PPFIA2: variants seen among roughly 807,000 people sequenced by gnomAD.
PPFIA2 encodes liprin-alpha-2.
A neutral mutation model predicts 175.5 loss-of-function variants in PPFIA2; 46 were observed. That is an observed-to-expected ratio of 0.26 (90% CI 0.21 to 0.34). The LOEUF is 0.34. Among genes scored for constraint, PPFIA2 ranks in the 10% least tolerant of loss-of-function variants. PPFIA2 has a pLI of 1.00. For synonymous variants in PPFIA2, 568 were observed against 511.4 expected (o/e 1.11, Z -1.49); for missense variants, 1,179 against 1,506.1 (o/e 0.78, Z 3.60).
At chr12:81,444,007 A>C (rs2050755420) in intron 6 of PPFIA2, among the ~76,000 whole-genome samples, 2 of 150,396 alleles carry the variant, frequency 1.3e-5, no homozygotes, top group Middle Eastern at 3.2e-3. Context: ...GGCGCCCGCC[A>C]CCACGCCCAG....
At chr12:81,389,600 C>T (rs1429830522) in intron 8 of PPFIA2, among the ~76,000 whole-genome samples, 1 of 151,910 alleles carries the variant, frequency 6.6e-6, no homozygotes, top group Non-Finnish European at 1.5e-5. Flanking sequence ...TAGATTGTAT[C>T]GTGAGCTTAC....
intron 4 of PPFIA2, among the ~76,000 whole-genome samples, chr12:81,582,907 G>A (rs971524121): frequency 3.3e-5 from 5 of 151,636 alleles, no homozygotes; most frequent in South Asian, 2.1e-4. Context: ...ACAATTTTCC[G>A]GGGAGTTTTT....
At chr12:81,651,929 A>G (rs951092920) in intron 4 of PPFIA2, among the ~76,000 whole-genome samples, 1 of 152,000 alleles carries the variant, frequency 6.6e-6, no homozygotes, top group Non-Finnish European at 1.5e-5. Context: ...TCCACAGTTG[A>G]CAGTTTTGAC....
intron 3 of PPFIA2, among the ~76,000 whole-genome samples, chr12:81,696,625 T>G (rs1399778111): frequency 3.3e-5 from 5 of 152,144 alleles, no homozygotes; most frequent in Non-Finnish European, 7.4e-5. Context: ...CAGGGTCTCT[T>G]ATACTCATCC....
chr12:81,272,595 T>A (rs1196447673), intron 28 of PPFIA2, among the ~76,000 whole-genome samples: 2 of 152,224 alleles, frequency 1.3e-5, no homozygotes, highest in African/African-American at 4.8e-5. Flanking sequence ...ACATATTTTT[T>A]AATAAACACT....
chr12:81,423,002 A>T (rs2046557059), intron 7 of PPFIA2, among the ~76,000 whole-genome samples: 1 of 152,178 alleles, frequency 6.6e-6, no homozygotes, highest in Non-Finnish European at 1.5e-5. Flanking sequence ...AACAATTATA[A>T]CCCAGCAAAC....
At chr12:81,466,315 A>C (rs2055616835) in intron 4 of PPFIA2, among the ~76,000 whole-genome samples, 1 of 152,132 alleles carries the variant, frequency 6.6e-6, no homozygotes, top group East Asian at 1.9e-4. Context: ...TATCATGGTG[A>C]CTTGGGGGAT....
rs756060385 is a variant in PPFIA2 at position 81,259,677 on chromosome 12, A to G, written c.*34-17T>C. 3 of 1,533,256 alleles carry G rather than the reference A, an allele frequency of 2.0e-6. No individual in the cohort carries two copies. Among genetic ancestry groups the G allele is most frequent in the Middle Eastern group, 1.7e-4 (1 of 5,996 alleles). 95.0% of individuals were successfully genotyped at this position (1,533,256 alleles called of 1,614,324 possible). A position where few individuals can be genotyped will look rare whatever the true frequency, so the allele number is the denominator to read the frequency against. ...AGACGCCATCTAAAATATACAATGGATAGCATTAGTTCACTGAAAAGTCCC... is the reference window on the plus strand; with the variant it reads ...AGACGCCATCTAAAATATACAATGGGTAGCATTAGTTCACTGAAAAGTCCC... On this transcript the variant is annotated splice_polypyrimidine_tract_variant and intron_variant, in intron 32 of 32. Coordinates refer to ENST00000549396, the MANE Select transcript of PPFIA2 (RefSeq NM_003625.5).
At chr12:81,323,514 A>C (rs1261660582) in intron 22 of PPFIA2, among the ~76,000 whole-genome samples, 1 of 152,038 alleles carries the variant, frequency 6.6e-6, no homozygotes, top group East Asian at 1.9e-4. Flanking sequence ...ATGAAATCGG[A>C]ACCCAGAAAA....
chr12:81,642,738 T>TATGTATGTATTATATACATAC lies in PPFIA2; in HGVS notation c.303+34032_303+34052dup, dbSNP rs2065343266. On this transcript the variant is annotated intron_variant, in intron 4 of 32. Coordinates refer to ENST00000549396, the MANE Select transcript of PPFIA2 (RefSeq NM_003625.5). ...TGTATTATATACATACATGTATATG[T>TATGTATGTATTATATACATAC]ATGTATGTATTATATACATACATGT... Among the ~76,000 whole-genome samples, 6 of 47,626 alleles carry TATGTATGTATTATATACATAC rather than the reference T, an allele frequency of 1.3e-4. 2 individuals are homozygous for TATGTATGTATTATATACATAC. The highest frequency in any genetic ancestry group is 1.1e-3 in the East Asian group (2 of 1,758). The allele number at this position is 47,626 out of a possible 152,430, so 31.2% of individuals were successfully genotyped here. A position where few individuals can be genotyped will look rare whatever the true frequency, so the allele number is the denominator to read the frequency against.
rs533775955 is a variant in PPFIA2, at chr12:81,283,820, C to T, written c.2988+421G>A. 6.6e-5 allele frequency among the ~76,000 whole-genome samples: 10 copies of T among 151,890 alleles called. 1 individual carries two copies. The South Asian group carries it at 1.9e-3, about 28-fold the overall frequency. ...TTTTTTGGGGGTTTTTTTGGTCAAG[C>T]TTGTATCTAAGATGGTAAAGCACAA... On this transcript the variant is annotated intron_variant, in intron 25 of 32. Transcript: ENST00000549396.
chr12:81,298,327 T>G (rs1455174715), intron 23 of PPFIA2: 1 of 152,252 alleles, frequency 6.6e-6, no homozygotes, highest in African/African-American at 2.4e-5. Context: ...CAGGCATTTT[T>G]CATTCAGTGC....
At chr12:81,668,063 G>A (rs559477484) in intron 4 of PPFIA2, among the ~76,000 whole-genome samples, 1 of 152,034 alleles carries the variant, frequency 6.6e-6, no homozygotes, top group East Asian at 1.9e-4. Flanking sequence ...CCTCCCATGG[G>A]GACATCCCAT....
chr12:81,340,039 T>C (rs2057788196), intron 20 of PPFIA2, among the ~76,000 whole-genome samples: 1 of 152,154 alleles, frequency 6.6e-6, no homozygotes, highest in African/African-American at 2.4e-5. Context: ...ACATTGTTAT[T>C]AGTTTCTATA....
chr12:81,549,424 C>T (rs1459807304), intron 4 of PPFIA2, among the ~76,000 whole-genome samples: 1 of 151,950 alleles, frequency 6.6e-6, no homozygotes, highest in African/African-American at 2.4e-5. Context: ...CTTTTGGTTT[C>T]TCTAAAAATA....
chr12:81,355,476 T>C (rs1321764992), intron 16 of PPFIA2, among the ~76,000 whole-genome samples: 1 of 152,200 alleles, frequency 6.6e-6, no homozygotes, highest in South Asian at 2.1e-4. Context: ...ACCCCTGTCC[T>C]CTGAGTCTTT....
intron 4 of PPFIA2, among the ~76,000 whole-genome samples, chr12:81,674,137 C>A (rs752807793): frequency 1.3e-5 from 2 of 151,954 alleles, no homozygotes; most frequent in Non-Finnish European, 2.9e-5. Context: ...GTACCCACAG[C>A]AAAATTTGCA....
At chr12:81,353,738 C>T (rs530451214) in intron 16 of PPFIA2, among the ~76,000 whole-genome samples, 1 of 152,256 alleles carries the variant, frequency 6.6e-6, no homozygotes, top group African/African-American at 2.4e-5. Context: ...ATTATAAGCT[C>T]AGACCACAAA....
At chr12:81,278,177 T>C (rs2041053953) in intron 27 of PPFIA2, among the ~76,000 whole-genome samples, 1 of 152,164 alleles carries the variant, frequency 6.6e-6, no homozygotes, top group Non-Finnish European at 1.5e-5. Context: ...TTAAATTGTG[T>C]TTAAGTATGA....
Sources: allele counts gnomAD v4.1 joint callset (sites outside exome capture counted in the v4.1 genomes callset), GRCh38; gene constraint gnomAD v4.1.1; transcripts MANE v1.5; gene names NCBI Gene and HGNC (gene_info 2026-07-23, HGNC 2026-07-21).